CREB5: variants seen among roughly 807,000 people sequenced by gnomAD.
The protein encoded by CREB5 is cAMP responsive element binding protein 5.
Under a neutral mutation model 57.1 loss-of-function variants are expected in CREB5, and 19 were observed. The ratio of observed to expected loss-of-function variants is 0.33; its 90% CI spans 0.23 to 0.49. The LOEUF is 0.49. CREB5 is among the 20% of genes least tolerant of loss of function. The probability of loss-of-function intolerance (pLI) is 0.99; values close to 1 mark genes in which losing one functional copy is unlikely to be tolerated. For missense variants in CREB5, 579 were observed against 671.6 expected (o/e 0.86, Z 1.52); for synonymous variants, 238 against 238.3 (o/e 1.00, Z 0.01).
At chr7:28,604,993 G>C (rs982010315) in intron 5 of CREB5, among the ~76,000 whole-genome samples, 2 of 152,036 alleles carry the variant, frequency 1.3e-5, no homozygotes, top group African/African-American at 4.8e-5. Context: ...CCCAGAACTT[G>C]ATGGTTTATA....
intron 5 of CREB5, among the ~76,000 whole-genome samples, chr7:28,686,542 C>T (rs1212478274): frequency 2.6e-5 from 4 of 151,276 alleles, no homozygotes; most frequent in East Asian, 3.9e-4. Flanking sequence ...AAATAAAGAG[C>T]GAAGCGAGAA....
chr7:28,600,088 G>A (rs556642500), intron 5 of CREB5, among the ~76,000 whole-genome samples: 11 of 152,168 alleles, frequency 7.2e-5, no homozygotes, highest in East Asian at 1.9e-4. Context: ...CTTCCCCACC[G>A]CCTTTCTTCC....
At chr7:28,662,360 T>C (rs1300834986) in intron 5 of CREB5, among the ~76,000 whole-genome samples, 1 of 152,216 alleles carries the variant, frequency 6.6e-6, no homozygotes, top group Non-Finnish European at 1.5e-5. Context: ...CTTCACCAGG[T>C]GGCCTCGCCC....
rs549391329 is a variant in CREB5, at chr7:28,673,657, CTTTTTTTTTTTTTT to C, written c.465-45080_465-45067del. Among the ~76,000 whole-genome samples, 4 of 55,764 alleles carry C rather than the reference CTTTTTTTTTTTTTT, an allele frequency of 7.2e-5. No individual in the cohort carries two copies. In the East Asian group the frequency reaches 2.1e-3, roughly 29 times the overall value. 36.6% of individuals were successfully genotyped at this position (55,764 alleles called of 152,430 possible). A position where few individuals can be genotyped will look rare whatever the true frequency, so the allele number is the denominator to read the frequency against. On this transcript the variant is annotated intron_variant, in intron 5 of 10. Coordinates refer to ENST00000357727, the MANE Select transcript of CREB5 (RefSeq NM_182898.4). ...GTTGACATGAAGTTTCTCTCTCTCT[CTTTTTTTTTTTTTT>C]TTTTTTTTTTTTTTTGGAGACATTC...
At chr7:28,581,017 C>T (rs1796103279) in intron 5 of CREB5, among the ~76,000 whole-genome samples, 1 of 152,248 alleles carries the variant, frequency 6.6e-6, no homozygotes, top group Non-Finnish European at 1.5e-5. Flanking sequence ...TAATTTTTTT[C>T]ATGACACTGT....
intron 4 of CREB5, among the ~76,000 whole-genome samples, chr7:28,561,268 A>G (rs889923840): frequency 6.6e-6 from 1 of 152,214 alleles, no homozygotes; most frequent in Admixed American, 6.5e-5. Context: ...CCCTGTCCCC[A>G]TCATCAAAGT....
At chr7:28,377,938 A>AG (rs1786873288) in intron 1 of CREB5, among the ~76,000 whole-genome samples, 1 of 150,474 alleles carries the variant, frequency 6.6e-6, no homozygotes, top group Non-Finnish European at 1.5e-5. Context: ...TCTCAAAAAA[A>AG]AAAAAAACAA....
chr7:28,363,681 C>T (rs1786532352), intron 1 of CREB5, among the ~76,000 whole-genome samples: 1 of 152,110 alleles, frequency 6.6e-6, no homozygotes, highest in South Asian at 2.1e-4. Flanking sequence ...CAGTGCCCCA[C>T]ATAGAGTAGC....
At chr7:28,317,190 T>C (rs999966792) in intron 1 of CREB5, among the ~76,000 whole-genome samples, 3 of 152,074 alleles carry the variant, frequency 2.0e-5, no homozygotes, top group African/African-American at 7.3e-5. Flanking sequence ...CCCTGTTGCA[T>C]GGTGTAAACT....
chr7:28,555,468 G>A (rs1794829028), intron 4 of CREB5, among the ~76,000 whole-genome samples: 1 of 152,140 alleles, frequency 6.6e-6, no homozygotes, highest in Non-Finnish European at 1.5e-5. Flanking sequence ...GATTCTATTT[G>A]ACTTTTTAGG....
chr7:28,735,114 T>TG (rs1803900582), intron 7 of CREB5, among the ~76,000 whole-genome samples: 1 of 148,210 alleles, frequency 6.7e-6, no homozygotes, highest in Non-Finnish European at 1.5e-5. Context: ...TTTGGTTTTT[T>TG]TTGTTTTTTT....
At chr7:28,454,843 A>C (rs1296143328) in intron 1 of CREB5, among the ~76,000 whole-genome samples, 1 of 152,170 alleles carries the variant, frequency 6.6e-6, no homozygotes, top group African/African-American at 2.4e-5. Context: ...CTCTAACGGA[A>C]TGTGACCCAG....
chr7:28,685,119 G>A (rs1045289086), intron 5 of CREB5, among the ~76,000 whole-genome samples: 6 of 152,096 alleles, frequency 3.9e-5, no homozygotes, highest in Admixed American at 1.3e-4. Flanking sequence ...AGTCACAGAC[G>A]GCCCCACCCA....
chr7:28,498,651 T>A (rs752797296), intron 3 of CREB5, among the ~76,000 whole-genome samples: 2 of 152,188 alleles, frequency 1.3e-5, no homozygotes, highest in Non-Finnish European at 2.9e-5. Flanking sequence ...GTCCTCGTGT[T>A]TTATTAGAAT....
chr7:28,510,131 C>T (rs1430482648), intron 4 of CREB5, among the ~76,000 whole-genome samples: 1 of 152,168 alleles, frequency 6.6e-6, no homozygotes, highest in African/African-American at 2.4e-5. Flanking sequence ...ATAATGCTCC[C>T]CCGCCTGACA....
At chr7:28,573,119 G>T (rs185916729) in intron 5 of CREB5, among the ~76,000 whole-genome samples, 5 of 152,142 alleles carry the variant, frequency 3.3e-5, no homozygotes, top group Non-Finnish European at 5.9e-5. Context: ...AGTGGATTCA[G>T]TATGAAACTC....
chr7:28,348,839 G>C (rs1786128785), intron 1 of CREB5, among the ~76,000 whole-genome samples: 1 of 152,228 alleles, frequency 6.6e-6, no homozygotes, highest in African/African-American at 2.4e-5. Flanking sequence ...CATGGCGGCT[G>C]TGTGTGCCAG....
chr7:28,608,250 C>A (rs1382902330), intron 5 of CREB5, among the ~76,000 whole-genome samples: 1 of 151,958 alleles, frequency 6.6e-6, no homozygotes, highest in Non-Finnish European at 1.5e-5. Context: ...TGATATGTAT[C>A]CACAGGTTTC....
chr7:28,628,552 C>T (rs942040860), intron 5 of CREB5, among the ~76,000 whole-genome samples: 3 of 152,024 alleles, frequency 2.0e-5, no homozygotes, highest in Non-Finnish European at 4.4e-5. Flanking sequence ...AAGGAAGAGA[C>T]CATGGTAGCC....
Sources: allele counts gnomAD v4.1 joint callset (sites outside exome capture counted in the v4.1 genomes callset), GRCh38; gene constraint gnomAD v4.1.1; transcripts MANE v1.5; gene names NCBI Gene and HGNC (gene_info 2026-07-23, HGNC 2026-07-21).